Variants in ATP11A observed in about 807,000 individuals in gnomAD.
ATP11A encodes the protein ATPase phospholipid transporting 11A.
Under a neutral mutation model 154.4 loss-of-function variants are expected in ATP11A, and 81 were observed. That is an observed-to-expected ratio of 0.52 (90% CI 0.44 to 0.63). The LOEUF (loss-of-function observed/expected upper bound fraction) is 0.63, where lower values mean the gene tolerates loss of function less well. Among genes scored for constraint, ATP11A ranks in the 30% least tolerant of loss-of-function variants. The pLI, the probability that ATP11A is intolerant of heterozygous loss-of-function variation, is 0.00. For missense variants in ATP11A, 1,316 were observed against 1,474.3 expected (o/e 0.89, Z 1.76); for synonymous variants, 623 against 585.9 (o/e 1.06, Z -0.91).
chr13:112,855,447 G>A (rs1478349876), intron 19 of ATP11A, among the ~76,000 whole-genome samples: 1 of 152,118 alleles, frequency 6.6e-6, no homozygotes, highest in East Asian at 1.9e-4. Flanking sequence ...CAAAGTGCTG[G>A]GATTACAGGT....
intron 25 of ATP11A, among the ~76,000 whole-genome samples, chr13:112,865,922 A>G (rs2080316945): frequency 6.6e-6 from 1 of 152,224 alleles, no homozygotes; most frequent in Admixed American, 6.5e-5. Flanking sequence ...TAGTGGTACC[A>G]TTATACCATT....
intron 29 of ATP11A, 43 bp downstream of exon 29, chr13:112,878,346 G>A (rs750411403): frequency 1.2e-5 from 19 of 1,594,900 alleles, no homozygotes; most frequent in African/African-American, 9.4e-5. Flanking sequence ...TGGTAGACAC[G>A]GGGCAGCAGG....
intron 1 of ATP11A, among the ~76,000 whole-genome samples, chr13:112,730,257 T>C (rs1444348965): frequency 1.3e-5 from 2 of 152,232 alleles, no homozygotes; most frequent in Admixed American, 1.3e-4. Flanking sequence ...GCAGAGCTTC[T>C]GTACCGGAGG....
intron 2 of ATP11A, among the ~76,000 whole-genome samples, chr13:112,791,326 G>T (rs1360312471): frequency 1.7e-4 from 26 of 152,350 alleles, no homozygotes; most frequent in African/African-American, 5.3e-4. Flanking sequence ...CCGGATGGGG[G>T]CCGTGAAGGC....
intron 1 of ATP11A, among the ~76,000 whole-genome samples, chr13:112,751,454 A>G (rs193067164): frequency 6.6e-6 from 1 of 152,144 alleles, no homozygotes; most frequent in African/African-American, 2.4e-5. Context: ...GAGGCCAGCA[A>G]TTTGAGACCA....
chr13:112,817,229 CTA>C (rs1491429299), intron 6 of ATP11A, among the ~76,000 whole-genome samples: 1 of 152,202 alleles, frequency 6.6e-6, no homozygotes, highest in Non-Finnish European at 1.5e-5. Flanking sequence ...AATTGCAACT[CTA>C]AAATGGTATT....
intron 1 of ATP11A, among the ~76,000 whole-genome samples, chr13:112,724,343 G>T (rs1396061889): frequency 1.3e-5 from 2 of 151,848 alleles, no homozygotes; most frequent in East Asian, 3.9e-4. Flanking sequence ...ATAAACGTCA[G>T]GGAGGGCCCT....
At chr13:112,847,542 C>A (rs2079644340) in intron 17 of ATP11A, among the ~76,000 whole-genome samples, 1 of 152,260 alleles carries the variant, frequency 6.6e-6, no homozygotes, top group South Asian at 2.1e-4. Flanking sequence ...GATACTGACA[C>A]TCTTGCTGAA....
At chr13:112,726,249 G>T (rs573155576) in intron 1 of ATP11A, among the ~76,000 whole-genome samples, 1 of 151,734 alleles carries the variant, frequency 6.6e-6, no homozygotes, top group African/African-American at 2.4e-5. Flanking sequence ...GAGGAAGCAC[G>T]TGCGTGCAGG....
At chr13:112,806,854 C>T (rs1265881102) in intron 4 of ATP11A, among the ~76,000 whole-genome samples, 2 of 152,152 alleles carry the variant, frequency 1.3e-5, no homozygotes, top group African/African-American at 2.4e-5. Flanking sequence ...ACCGTAGAGT[C>T]GCCTATTCTA....
chr13:112,862,406 G>C (rs570304876), intron 24 of ATP11A, 34 bp from the exon 25 acceptor site: 5 of 1,610,870 alleles, frequency 3.1e-6, no homozygotes, highest in South Asian at 1.1e-5. Context: ...CCTGATTCTC[G>C]AGGACACACG....
chr13:112,733,702 C>T (rs745826081), intron 1 of ATP11A, among the ~76,000 whole-genome samples: 1 of 152,058 alleles, frequency 6.6e-6, no homozygotes, highest in Non-Finnish European at 1.5e-5. Context: ...TTATAAAATG[C>T]ATTAGTCTAT....
intron 1 of ATP11A, among the ~76,000 whole-genome samples, chr13:112,730,317 G>A (rs1401441548): frequency 2.6e-5 from 4 of 151,760 alleles, no homozygotes; most frequent in African/African-American, 9.7e-5. Context: ...GTGGATCTGT[G>A]AAGCCTCATG....
chr13:112,694,713 T>C (rs1209677627), intron 1 of ATP11A, among the ~76,000 whole-genome samples: 2 of 152,222 alleles, frequency 1.3e-5, no homozygotes, highest in African/African-American at 4.8e-5. Flanking sequence ...TTCTTTTGCC[T>C]GTCAGAGCTT....
At position 112,746,243 on chromosome 13, in the gene ATP11A, C is replaced by T. The variant is rs1200824983; in HGVS notation, c.40-38892C>T. The T allele has an allele frequency of 6.6e-6, 1 of 152,202 alleles. No individual in the cohort carries two copies. Among genetic ancestry groups the T allele is most frequent in the African/African-American group, 2.4e-5 (1 of 41,438 alleles). The allele number at this position is 152,202 out of a possible 1,614,324, so 9.4% of individuals were successfully genotyped here. On this transcript the variant is annotated intron_variant, in intron 1 of 29. Coordinates refer to ENST00000375645, the MANE Select transcript of ATP11A (RefSeq NM_015205.3). This position sits in a 1 kb window ranked among gnomAD's most constrained non-coding sequence, Gnocchi z 4.1. ...TGCTGGGTCATACCTATGTTTAATT[C>T]TCTGAGGAACCTCCGTGCTGTCTCC...
intron 4 of ATP11A, among the ~76,000 whole-genome samples, chr13:112,806,515 A>G (rs766467025): frequency 8.5e-5 from 13 of 152,216 alleles, no homozygotes; most frequent in Non-Finnish European, 4.4e-5. Context: ...TCGAGAAGAA[A>G]TCTGTGGTTT....
rs1281291191 is a variant in ATP11A at position 112,807,580 on chromosome 13, T to C, written c.333+1287T>C. Among the ~76,000 whole-genome samples the C allele has an allele frequency of 6.6e-6, 1 of 152,210 alleles. No individual in the cohort carries two copies. Among genetic ancestry groups the C allele is most frequent in the Non-Finnish European group, 1.5e-5 (1 of 68,032 alleles). ...CTACCTGGGATAAGGCCTCACTTCA[T>C]GTCGGTGGCAGGCTCTTGCAAACTT... On this transcript the variant is annotated intron_variant, in intron 4 of 29. Transcript: ENST00000375645. This position sits in a 1 kb window ranked among gnomAD's most constrained non-coding sequence, Gnocchi z 4.5.
At chr13:112,813,350 A>G (rs2078556782) in intron 5 of ATP11A, among the ~76,000 whole-genome samples, 1 of 152,222 alleles carries the variant, frequency 6.6e-6, no homozygotes, top group Non-Finnish European at 1.5e-5. Context: ...AGGATATGAT[A>G]TAAAGAGAAT....
chr13:112,715,958 G>A (rs1052478057), intron 1 of ATP11A, among the ~76,000 whole-genome samples: 4 of 152,144 alleles, frequency 2.6e-5, no homozygotes, highest in Non-Finnish European at 1.5e-5. Context: ...AGGGATGGTA[G>A]TGGCTGGGTG....
Sources: allele counts gnomAD v4.1 joint callset (sites outside exome capture counted in the v4.1 genomes callset), GRCh38; gene constraint gnomAD v4.1.1; non-coding constraint Gnocchi (gnomAD v3.1); transcripts MANE v1.5; gene names NCBI Gene and HGNC (gene_info 2026-07-23, HGNC 2026-07-21).